KPNA5: variants seen among roughly 807,000 people sequenced by gnomAD.
KPNA5 encodes karyopherin subunit alpha 5, also known as importin subunit alpha-6.
A neutral mutation model predicts 71.3 loss-of-function variants in KPNA5; 46 were observed. That is an observed-to-expected ratio of 0.65 (90% CI 0.51 to 0.83). The LOEUF (loss-of-function observed/expected upper bound fraction) is 0.83. Among genes scored for constraint, KPNA5 ranks in the 40% least tolerant of loss-of-function variants. The probability of loss-of-function intolerance (pLI) is 0.00; values close to 1 mark genes in which losing one functional copy is unlikely to be tolerated. For synonymous variants in KPNA5, 207 were observed against 201.4 expected, an observed-to-expected ratio of 1.03 and a Z score of -0.24; for missense variants, 547 against 628.3, an observed-to-expected ratio of 0.87 and a Z score of 1.38.
rs183246993 is a variant in KPNA5, at chr6:116,709,284, C to A, written c.656+4124C>A. On this transcript the variant is annotated intron_variant, in intron 7 of 13. Transcript: ENST00000368564. Reference sequence around the variant, plus strand: ...AGGGAGGGTCGTTTGAGGTCAGGAGCCTCCTGGGTTCAAGCGGTTCTCATG... The same window carrying A: ...AGGGAGGGTCGTTTGAGGTCAGGAGACTCCTGGGTTCAAGCGGTTCTCATG... Among the ~76,000 whole-genome samples the A allele has an allele frequency of 5.2e-3, 789 of 152,178 alleles. 5 individuals are homozygous for A. Among genetic ancestry groups the A allele is most frequent in the African/African-American group, 0.018 (762 of 41,504 alleles).
chr6:116,706,885 C>T (rs141751128), intron 7 of KPNA5, among the ~76,000 whole-genome samples: 106 of 151,456 alleles, frequency 7.0e-4, no homozygotes, highest in African/African-American at 2.4e-3. Context: ...TTATGCAGGC[C>T]GGGCGCAGTG....
chr6:116,694,588 G>T (rs1777945799), intron 4 of KPNA5, among the ~76,000 whole-genome samples: 1 of 152,142 alleles, frequency 6.6e-6, no homozygotes. Flanking sequence ...CATTGATTTT[G>T]TATCCTGAGA....
rs200681703 is a variant in KPNA5 at position 116,712,855 on chromosome 6, G to GT, written c.657-3355dup. Reference sequence around the variant, plus strand: ...GTTTCCTTTCCTATTTTTTTAAAAAGTTTTTTTTTAATGTACCCTAAGGAG... The same window carrying GT: ...GTTTCCTTTCCTATTTTTTTAAAAAGTTTTTTTTTTAATGTACCCTAAGGAG... On this transcript the variant is annotated intron_variant, in intron 7 of 13. Coordinates refer to ENST00000368564, the MANE Select transcript of KPNA5 (RefSeq NM_001366306.2). Among the ~76,000 whole-genome samples the GT allele has an allele frequency of 1.3e-3, 196 of 150,772 alleles. 1 individual carries two copies. The East Asian group carries it at 0.026, about 20-fold the overall frequency.
intron 2 of KPNA5, among the ~76,000 whole-genome samples, chr6:116,691,695 TTTAAG>T (rs762564949): frequency 6.6e-6 from 1 of 152,236 alleles, no homozygotes; most frequent in Non-Finnish European, 1.5e-5. Context: ...AGATGTGCTT[TTTAAG>T]TTTTCTTGCA....
intron 7 of KPNA5, among the ~76,000 whole-genome samples, chr6:116,713,609 AATT>A (rs1261112116): frequency 6.6e-6 from 1 of 152,044 alleles, no homozygotes; most frequent in Admixed American, 6.6e-5. Context: ...AGTTTTCAGT[AATT>A]ATTTCTTCAG....
chr6:116,722,880 T>C (rs1236899413), intron 9 of KPNA5, among the ~76,000 whole-genome samples: 1 of 152,244 alleles, frequency 6.6e-6, no homozygotes, highest in East Asian at 1.9e-4. Flanking sequence ...AAAAAATGTA[T>C]TATCTTCCTT....
At position 116,734,729 on chromosome 6, in the gene KPNA5, A is replaced by AG. The variant is rs1779610575; in HGVS notation, c.*2406_*2407insG. The AG allele has an allele frequency of 6.6e-6, 1 of 150,894 alleles. No homozygotes were observed. Among genetic ancestry groups the AG allele is most frequent in the African/African-American group, 2.4e-5 (1 of 41,330 alleles). The allele number at this position is 150,894 out of a possible 1,614,324, so 9.3% of individuals were successfully genotyped here. ...AGCCCTGACCAGGAAAAAAAAAAAA[A>AG]AAGAAAGAAAGAAAAGAAAAAAATA... On this transcript the variant is annotated 3_prime_UTR_variant, in exon 14 of 14. Transcript: ENST00000368564.
intron 7 of KPNA5, among the ~76,000 whole-genome samples, chr6:116,715,914 CAA>C (rs113069826): frequency 1.6e-5 from 2 of 123,106 alleles, no homozygotes; most frequent in African/African-American, 3.0e-5. Flanking sequence ...GACTCTGACT[CAA>C]AAAAAAAAAG....
intron 5 of KPNA5, among the ~76,000 whole-genome samples, chr6:116,700,991 G>A (rs1459176941): frequency 6.6e-6 from 1 of 151,952 alleles, no homozygotes; most frequent in African/African-American, 2.4e-5. Flanking sequence ...TTTCTTCTAG[G>A]GATACTAGTG....
At chr6:116,705,228 TTAAG>T (rs2114424059) in intron 7 of KPNA5, 68 bp downstream of exon 7, 1 of 1,206,534 alleles carries the variant, frequency 8.3e-7, no homozygotes, top group South Asian at 1.4e-5. Context: ...ACATACATAA[TTAAG>T]TTCTTCAGTC....
At chr6:116,717,640 G>GA in intron 8 of KPNA5, among the ~76,000 whole-genome samples, 1 of 152,280 alleles carries the variant, frequency 6.6e-6, no homozygotes, top group South Asian at 2.1e-4. Flanking sequence ...AAAGGCTTTA[G>GA]AACAGGAAAG....
chr6:116,684,309 T>C (rs1777485669), intron 1 of KPNA5, among the ~76,000 whole-genome samples: 1 of 152,190 alleles, frequency 6.6e-6, no homozygotes, highest in Non-Finnish European at 1.5e-5. Context: ...AAATTAATCA[T>C]GCATTTCTTT....
chr6:116,698,600 A>C (rs1000913265), intron 4 of KPNA5, 104 bp from the exon 5 acceptor site: 21 of 639,528 alleles, frequency 3.3e-5, no homozygotes, highest in Middle Eastern at 2.6e-4. Flanking sequence ...TGGGTCAGGG[A>C]AACCTAGGAA....
Position 116,692,069 on chromosome 6 carries a change from A to G in KPNA5, c.153A>G (p.Arg51=), listed in dbSNP as rs1562429972. The part of the protein sequence containing the change: ...QKREEQLFKR[R]NVYLPRNDES... ...CTTTATTACAGTTGTTCAAACGCAG[A>G]AATGTCTATTTGCCCAGAAATGATG... The change falls in exon 3 of 14, where the codon AGA becomes AGG. Residue 51 remains arginine (R), a synonymous_variant. Transcript: ENST00000368564. The G allele has an allele frequency of 6.2e-7, 1 of 1,609,918 alleles. No individual in the cohort carries two copies. Among genetic ancestry groups the G allele is most frequent in the Non-Finnish European group, 8.5e-7 (1 of 1,176,810 alleles).
chr6:116,710,895 T>A (rs9384986), intron 7 of KPNA5, among the ~76,000 whole-genome samples: 13,406 of 54,894 alleles, frequency 0.24, 816 homozygotes, highest in Middle Eastern at 0.36. Context: ...ATATATATAT[T>A]TTTTTTTTTT....
intron 8 of KPNA5, among the ~76,000 whole-genome samples, chr6:116,719,151 C>T (rs1779014373): frequency 2.6e-5 from 4 of 152,142 alleles, no homozygotes; most frequent in Non-Finnish European, 5.9e-5. Context: ...TCTGGTTGCT[C>T]ATCTTTATGT....
chr6:116,685,892 A>T (rs1416170735), intron 1 of KPNA5, among the ~76,000 whole-genome samples: 1 of 152,110 alleles, frequency 6.6e-6, no homozygotes, highest in Non-Finnish European at 1.5e-5. Flanking sequence ...GAACTAATTT[A>T]CATTTGTTTT....
chr6:116,716,241 C>G lies in KPNA5; in HGVS notation c.679C>G (p.Leu227Val). 6.2e-7 allele frequency: 1 copy of G among 1,612,640 alleles called. No homozygotes were observed. The highest frequency in any genetic ancestry group is 8.5e-7 in the Non-Finnish European group (1 of 1,179,580). ...LLELLTNSNR[L>V]TTTRNAVWAL... ...CAGGTTATTAACAAATTCAAACAGA[C>G]TCACAACAACAAGAAATGCCGTGTG... Residue 227 changes from leucine (L) to valine (V), a missense_variant, in exon 8 of 14, where the codon CTC (leucine) becomes GTC (valine). Transcript: ENST00000368564.
At position 116,734,874 on chromosome 6, in the gene KPNA5, A is replaced by G. The variant is rs561196994; in HGVS notation, c.*2551A>G. On this transcript the variant is annotated 3_prime_UTR_variant, in exon 14 of 14. Transcript: ENST00000368564. Reference sequence around the variant, plus strand: ...TTTAAATCCAAGAGAAACTATGCCGAAAAAAAGTGTTATAAAGAGGAATGC... The same window carrying G: ...TTTAAATCCAAGAGAAACTATGCCGGAAAAAAGTGTTATAAAGAGGAATGC... 501 of 151,678 alleles carry G rather than the reference A, an allele frequency of 3.3e-3. 5 individuals carry two copies. Among genetic ancestry groups the G allele is most frequent in the African/African-American group, 0.011 (474 of 41,528 alleles). The allele number at this position is 151,678 out of a possible 1,614,324, so 9.4% of individuals were successfully genotyped here.
Sources: allele counts gnomAD v4.1 joint callset (sites outside exome capture counted in the v4.1 genomes callset), GRCh38; gene constraint gnomAD v4.1.1; transcripts MANE v1.5; gene names NCBI Gene and HGNC (gene_info 2026-07-23, HGNC 2026-07-21).